The following STK3 variants were observed in gnomAD, a reference collection of about 807,000 sequenced individuals.
The protein encoded by STK3 is serine/threonine-protein kinase 3.
In STK3, 41 loss-of-function variants were observed where a neutral mutation model predicts 58.0. The observed-to-expected ratio is 0.71, with a 90% CI of 0.55 to 0.92. The LOEUF is 0.92. Among genes scored for constraint, STK3 ranks in the 40% least tolerant of loss-of-function variants. The pLI, the probability that STK3 is intolerant of heterozygous loss-of-function variation, is 0.00. For missense variants in STK3, 479 were observed against 602.7 expected, an observed-to-expected ratio of 0.79 and a Z score of 2.15; for synonymous variants, 170 against 191.0, an observed-to-expected ratio of 0.89 and a Z score of 0.91.
intron 1 of STK3, among the ~76,000 whole-genome samples, chr8:98,817,408 T>G (rs954882600): frequency 1.4e-5 from 2 of 144,478 alleles, no homozygotes; most frequent in Non-Finnish European, 3.0e-5. Flanking sequence ...GAGCCAAGAT[T>G]GCACCATTGC....
At chr8:98,568,266 G>C (rs997872131) in intron 8 of STK3, among the ~76,000 whole-genome samples, 5 of 152,018 alleles carry the variant, frequency 3.3e-5, no homozygotes, top group African/African-American at 1.2e-4. Context: ...CCACAGAAAA[G>C]GATAAACCCC....
chr8:98,914,591 T>C (rs1465417054), intron 1 of STK3, among the ~76,000 whole-genome samples: 2 of 152,174 alleles, frequency 1.3e-5, no homozygotes, highest in Non-Finnish European at 2.9e-5. Context: ...GGGTTTCATG[T>C]TGCCGCTATT....
chr8:98,689,793 T>A (rs765140127), intron 6 of STK3, among the ~76,000 whole-genome samples: 3 of 151,674 alleles, frequency 2.0e-5, no homozygotes, highest in Admixed American at 6.6e-5. Flanking sequence ...GAAAAAAAAA[T>A]TTATATATAT....
chr8:98,563,016 C>CA (rs34350283), intron 8 of STK3, among the ~76,000 whole-genome samples: 36,863 of 127,286 alleles, frequency 0.29, 5,434 homozygotes, highest in East Asian at 0.48. Context: ...TAGAATGTGG[C>CA]AAAAAAAAAA....
At chr8:98,597,819 T>G in intron 6 of STK3, 1 of 983,424 alleles carries the variant, frequency 1.0e-6, no homozygotes, top group Non-Finnish European at 1.2e-6. Context: ...AGTCAACTTG[T>G]GCAGAAAAAA....
intron 1 of STK3, among the ~76,000 whole-genome samples, chr8:98,795,509 C>G (rs937300890): frequency 6.6e-6 from 1 of 151,990 alleles, no homozygotes; most frequent in East Asian, 1.9e-4. Flanking sequence ...TCTTAGCACC[C>G]CTATTGAACA....
intron 6 of STK3, among the ~76,000 whole-genome samples, chr8:98,655,110 C>T (rs1201101853): frequency 6.6e-6 from 1 of 151,826 alleles, no homozygotes; most frequent in African/African-American, 2.4e-5. Flanking sequence ...GTAACCAAAA[C>T]AGCATGGTAC....
intron 6 of STK3, chr8:98,598,538 T>C: frequency 4.1e-6 from 4 of 985,424 alleles, no homozygotes; most frequent in Non-Finnish European, 4.8e-6. Flanking sequence ...ACAGCCTTAC[T>C]GTACTAATTT....
intron 6 of STK3, chr8:98,633,575 C>T: frequency 1.3e-6 from 1 of 740,798 alleles, no homozygotes. Context: ...TCAGGTTCTC[C>T]TCTGTCTTTC....
intron 4 of STK3, among the ~76,000 whole-genome samples, chr8:98,742,165 G>A (rs1486660523): frequency 6.6e-6 from 1 of 151,748 alleles, no homozygotes; most frequent in East Asian, 1.9e-4. Flanking sequence ...AGGAGGAACT[G>A]GTACCATTCC....
intron 1 of STK3, among the ~76,000 whole-genome samples, chr8:98,783,613 G>A (rs1041923205): frequency 6.6e-6 from 1 of 152,102 alleles, no homozygotes; most frequent in African/African-American, 2.4e-5. Flanking sequence ...CAACAATGAA[G>A]TTTGCCACAT....
chr8:98,423,139 C>G (rs1818191632), intron 3 of STK3, among the ~76,000 whole-genome samples: 3 of 152,224 alleles, frequency 2.0e-5, no homozygotes. Context: ...AAGACTCTGG[C>G]AGGCACAGAA....
intron 4 of STK3, among the ~76,000 whole-genome samples, chr8:98,719,081 G>GGT (rs1273008726): frequency 2.6e-5 from 4 of 152,262 alleles, no homozygotes; most frequent in African/African-American, 9.6e-5. Context: ...CTAAGTTAGT[G>GGT]GTGTGCAGCC....
intron 7 of STK3, among the ~76,000 whole-genome samples, chr8:98,589,894 G>A (rs964250889): frequency 2.0e-5 from 3 of 152,194 alleles, no homozygotes; most frequent in Admixed American, 6.5e-5. Flanking sequence ...TCTTTGACTA[G>A]GAAAGGGAAC....
At chr8:98,924,192 G>C (rs966241994) in intron 1 of STK3, among the ~76,000 whole-genome samples, 1 of 152,136 alleles carries the variant, frequency 6.6e-6, no homozygotes, top group Non-Finnish European at 1.5e-5. Flanking sequence ...CTGCCTTCTT[G>C]TTTCTTCACA....
chr8:98,442,480 C>G (rs1419978840), intron 1 of STK3, among the ~76,000 whole-genome samples: 2 of 152,208 alleles, frequency 1.3e-5, no homozygotes, highest in Non-Finnish European at 2.9e-5. Context: ...CACCAAGGTG[C>G]GTTATTTCAG....
intron 10 of STK3, among the ~76,000 whole-genome samples, chr8:98,461,929 C>T (rs140915719): frequency 4.0e-5 from 6 of 150,282 alleles, no homozygotes; most frequent in South Asian, 2.1e-4. Flanking sequence ...TTTTTTGCAA[C>T]GAATCTCCTA....
intron 10 of STK3, among the ~76,000 whole-genome samples, chr8:98,456,946 T>C (rs1360828359): frequency 2.6e-5 from 4 of 152,156 alleles, no homozygotes; most frequent in African/African-American, 7.2e-5. Context: ...AAAAAGACTC[T>C]GAGGATACTG....
chr8:98,776,753 A>T (rs1160492129), intron 1 of STK3, among the ~76,000 whole-genome samples: 1 of 140,016 alleles, frequency 7.1e-6, no homozygotes, highest in African/African-American at 2.7e-5. Flanking sequence ...ATGTCAAGAT[A>T]AAAAAAAAAA....
Sources: gnomAD v4.1 joint callset for allele counts (sites outside exome capture counted in the v4.1 genomes callset) on GRCh38, gnomAD v4.1.1 for gene constraint, MANE v1.5 for transcripts, NCBI Gene and HGNC (gene_info 2026-07-23, HGNC 2026-07-21) for gene names.